The following CDH8 variants were observed in gnomAD, a reference collection of about 807,000 sequenced individuals.
CDH8 encodes cadherin 8.
In CDH8, 17 loss-of-function variants were observed where a neutral mutation model predicts 68.1. The ratio of observed to expected loss-of-function variants is 0.25; its 90% CI spans 0.17 to 0.37. The LOEUF is 0.37. CDH8 is among the 10% of genes least tolerant of loss of function. CDH8 has a pLI of 1.00. For synonymous variants in CDH8, 372 were observed against 365.1 expected, an observed-to-expected ratio of 1.02 and a Z score of -0.21; for missense variants, 763 against 999.3, an observed-to-expected ratio of 0.76 and a Z score of 3.19.
chr16:61,959,523 C>CCTCT (rs10624937), intron 2 of CDH8, among the ~76,000 whole-genome samples: 4,071 of 133,426 alleles, frequency 0.031, 175 homozygotes, highest in African/African-American at 0.093. Context: ...CCTTATCCTC[C>CCTCT]CTCTCTCTCT....
chr16:61,767,173 G>T (rs908276379), intron 8 of CDH8, among the ~76,000 whole-genome samples: 2 of 151,904 alleles, frequency 1.3e-5, no homozygotes, highest in Non-Finnish European at 2.9e-5. Context: ...CCATTTCTAA[G>T]TAAAATAATC....
intron 10 of CDH8, among the ~76,000 whole-genome samples, chr16:61,689,457 C>A (rs1228401790): frequency 6.6e-6 from 1 of 151,980 alleles, no homozygotes; most frequent in Non-Finnish European, 1.5e-5. Flanking sequence ...GTTGCTCCAG[C>A]CACACCCAGG....
At chr16:61,821,499 T>C (rs892995951) in intron 5 of CDH8, among the ~76,000 whole-genome samples, 1 of 152,058 alleles carries the variant, frequency 6.6e-6, no homozygotes, top group African/African-American at 2.4e-5. Flanking sequence ...CAACATAAAA[T>C]ATTAAGCTAA....
intron 10 of CDH8, among the ~76,000 whole-genome samples, chr16:61,666,575 C>T (rs1021536365): frequency 5.3e-5 from 8 of 151,964 alleles, no homozygotes; most frequent in African/African-American, 1.9e-4. Flanking sequence ...TTAATGAAGG[C>T]ACTTGCCAGG....
Position 61,834,031 on chromosome 16 carries a change from A to G in CDH8, c.668-8852T>C, listed in dbSNP as rs1024017933. On this transcript the variant is annotated intron_variant, in intron 4 of 11. Coordinates refer to ENST00000577390, the MANE Select transcript of CDH8 (RefSeq NM_001796.5). Reference sequence around the variant, plus strand: ...CCTAACGCAATCCCTGGCACATAATAGGTTATTCAACAAATGTAAGAGAGA... The same window carrying G: ...CCTAACGCAATCCCTGGCACATAATGGGTTATTCAACAAATGTAAGAGAGA... Among the ~76,000 whole-genome samples, 96 of 151,914 alleles carry G rather than the reference A, an allele frequency of 6.3e-4. 3 individuals carry two copies.
rs1442645679 is a variant in CDH8 at position 61,934,970 on chromosome 16, G to C, written c.253-33497C>G. 2.6e-5 allele frequency among the ~76,000 whole-genome samples: 4 copies of C among 152,254 alleles called. No individual in the cohort carries two copies. The East Asian group carries it at 7.7e-4, about 29-fold the overall frequency. ...CCAGATAGAAAACTGTGTTGAGAGG[G>C]TTGCCTGCTGGAAATATTTTGAAAT... is the stretch of plus-strand genomic sequence containing the variant. On this transcript the variant is annotated intron_variant, in intron 2 of 11. Transcript: ENST00000577390.
At chr16:61,675,859 ATAT>A (rs1963897365) in intron 10 of CDH8, among the ~76,000 whole-genome samples, 1 of 151,230 alleles carries the variant, frequency 6.6e-6, no homozygotes, top group Non-Finnish European at 1.5e-5. Flanking sequence ...CTAAAGACAA[ATAT>A]TATAAACTTT....
intron 9 of CDH8, chr16:61,726,307 G>C (rs1167724083): frequency 6.6e-6 from 1 of 150,866 alleles, no homozygotes; most frequent in East Asian, 1.9e-4. Flanking sequence ...TTACATTTAT[G>C]GTTTTGCAGA....
At chr16:61,917,209 C>G (rs1010798929) in intron 2 of CDH8, among the ~76,000 whole-genome samples, 1 of 136,856 alleles carries the variant, frequency 7.3e-6, no homozygotes, top group African/African-American at 2.9e-5. Context: ...TTTTAGTCAT[C>G]TATAGGTAAG....
rs551711062 is a variant in CDH8, at chr16:61,735,845, C to T, written c.1415-8630G>A. ...ATCCCAGCACTTTGAGAGGCCAAGG[C>T]GGGGAGATCGCTAGGTCAAGAGATC... On this transcript the variant is annotated intron_variant, in intron 8 of 11. Coordinates refer to ENST00000577390, the MANE Select transcript of CDH8 (RefSeq NM_001796.5). Among the ~76,000 whole-genome samples the T allele has an allele frequency of 5.1e-4, 78 of 151,952 alleles. No homozygotes were observed. The South Asian group carries it at 7.5e-3, about 15-fold the overall frequency.
intron 4 of CDH8, among the ~76,000 whole-genome samples, chr16:61,839,335 G>C (rs1354359674): frequency 2.0e-5 from 3 of 152,034 alleles, no homozygotes; most frequent in Admixed American, 2.0e-4. Context: ...ACAGCTGTTT[G>C]TCTGATTATT....
intron 8 of CDH8, among the ~76,000 whole-genome samples, chr16:61,761,451 A>G (rs1429933432): frequency 1.2e-4 from 19 of 152,146 alleles, no homozygotes; most frequent in Admixed American, 1.2e-3. Flanking sequence ...GTTTTTGGCT[A>G]TTGGAAAAGG....
In CDH8 at chr16:61,651,801, T is replaced by A. The variant is rs1963329192; in HGVS notation, c.*1807A>T. 1 of 152,264 alleles carries A rather than the reference T, an allele frequency of 6.6e-6. No homozygotes were observed. The highest frequency in any genetic ancestry group is 2.4e-5 in the African/African-American group (1 of 41,448). 9.4% of individuals were successfully genotyped at this position (152,264 alleles called of 1,614,324 possible). On this transcript the variant is annotated 3_prime_UTR_variant, in exon 12 of 12. Transcript: ENST00000577390. Reference sequence around the variant, plus strand: ...TGACACAGCTGGACTAGCCTTTAGGTGTTCCATGTTCCTCTTATGTCCCTG... The same window carrying A: ...TGACACAGCTGGACTAGCCTTTAGGAGTTCCATGTTCCTCTTATGTCCCTG...
chr16:61,941,305 A>T (rs1303691580), intron 2 of CDH8, among the ~76,000 whole-genome samples: 2 of 152,218 alleles, frequency 1.3e-5, no homozygotes, highest in Non-Finnish European at 2.9e-5. Flanking sequence ...TTCAAAGAGT[A>T]TCTTCGTATA....
chr16:61,762,327 T>C (rs1293728649), intron 8 of CDH8, among the ~76,000 whole-genome samples: 3 of 152,148 alleles, frequency 2.0e-5, no homozygotes, highest in Admixed American at 6.6e-5. Flanking sequence ...ATTGTCACCA[T>C]TGGAAAAACA....
chr16:61,934,655 G>A (rs1314066343), intron 2 of CDH8, among the ~76,000 whole-genome samples: 12 of 152,006 alleles, frequency 7.9e-5, no homozygotes, highest in Admixed American at 7.9e-4. Context: ...ATCATTATGA[G>A]TACAATGACT....
At chr16:61,933,767 C>A (rs1017167931) in intron 2 of CDH8, among the ~76,000 whole-genome samples, 3 of 152,034 alleles carry the variant, frequency 2.0e-5, no homozygotes, top group African/African-American at 7.2e-5. Flanking sequence ...AGAGACAGAG[C>A]TCCAGAAGAT....
intron 10 of CDH8, among the ~76,000 whole-genome samples, chr16:61,673,538 C>T (rs1963837796): frequency 6.6e-6 from 1 of 152,032 alleles, no homozygotes; most frequent in African/African-American, 2.4e-5. Flanking sequence ...TTGCATTATT[C>T]TTGTTTAGTT....
intron 2 of CDH8, among the ~76,000 whole-genome samples, chr16:62,016,149 T>C (rs58952871): frequency 0.075 from 11,354 of 152,184 alleles, 1,065 homozygotes; most frequent in African/African-American, 0.22. Flanking sequence ...ATTCCATCCT[T>C]CCATAGAATA....
Sources: allele counts gnomAD v4.1 joint callset (sites outside exome capture counted in the v4.1 genomes callset), GRCh38; gene constraint gnomAD v4.1.1; transcripts MANE v1.5; gene names NCBI Gene and HGNC (gene_info 2026-07-23, HGNC 2026-07-21).